The following NAALADL2 variants were observed in gnomAD, a reference collection of about 807,000 sequenced individuals.
NAALADL2 encodes inactive N-acetylated-alpha-linked acidic dipeptidase-like protein 2.
Under a neutral mutation model 87.2 loss-of-function variants are expected in NAALADL2, and 76 were observed. That is an observed-to-expected ratio of 0.87 (90% CI 0.72 to 1.05). The LOEUF is 1.05. Among genes scored for constraint, NAALADL2 ranks in the 50% least tolerant of loss-of-function variants. The pLI is 0.00. For synonymous variants in NAALADL2, 354 were observed against 331.0 expected (o/e 1.07, Z -0.75); for missense variants, 1,089 against 945.8 (o/e 1.15, Z -1.99).
chr3:174,734,488 C>A (rs369844044), intron 2 of NAALADL2, among the ~76,000 whole-genome samples: 2 of 152,114 alleles, frequency 1.3e-5, no homozygotes, highest in Admixed American at 1.3e-4. Flanking sequence ...TCTTGCAGAT[C>A]GTCTCCTTCT....
At chr3:174,489,067 T>C (rs1444259297) in intron 1 of NAALADL2, among the ~76,000 whole-genome samples, 2 of 152,058 alleles carry the variant, frequency 1.3e-5, no homozygotes, top group Non-Finnish European at 2.9e-5. Context: ...TGGATATTGG[T>C]CAGCCATTTC....
intron 1 of NAALADL2, among the ~76,000 whole-genome samples, chr3:174,971,584 T>A (rs1209123834): frequency 6.6e-6 from 1 of 152,158 alleles, no homozygotes; most frequent in Non-Finnish European, 1.5e-5. Flanking sequence ...GTCTTGCTTT[T>A]AAGAAACTGC....
chr3:175,783,692 A>G (rs2150225275), intron 13 of NAALADL2, among the ~76,000 whole-genome samples: 1 of 151,532 alleles, frequency 6.6e-6, no homozygotes, highest in Admixed American at 6.6e-5. Flanking sequence ...AATACCCTTT[A>G]TTTCCTTCTC....
intron 4 of NAALADL2, among the ~76,000 whole-genome samples, chr3:175,293,707 G>C (rs1464960674): frequency 1.3e-5 from 2 of 152,150 alleles, no homozygotes; most frequent in Admixed American, 6.5e-5. Flanking sequence ...GACACAGCTA[G>C]AAGATGACAT....
intron 10 of NAALADL2, among the ~76,000 whole-genome samples, chr3:175,592,307 C>CTTTTTTTTTTTT (rs758914649): frequency 1.9e-4 from 8 of 43,240 alleles, no homozygotes; most frequent in Non-Finnish European, 2.9e-4. Flanking sequence ...TTTTTCTTTT[C>CTTTTTTTTTTTT]TTTTTTTTTT....
At chr3:175,185,988 A>G (rs567124345) in intron 2 of NAALADL2, among the ~76,000 whole-genome samples, 1 of 152,060 alleles carries the variant, frequency 6.6e-6, no homozygotes, top group South Asian at 2.1e-4. Context: ...TTCAGTATCA[A>G]ATTTTGGAAA....
intron 5 of NAALADL2, among the ~76,000 whole-genome samples, chr3:175,437,071 C>T (rs1172419887): frequency 1.4e-5 from 2 of 143,672 alleles, no homozygotes; most frequent in African/African-American, 5.2e-5. Flanking sequence ...CTACATATGG[C>T]TAGCCAGTTT....
At chr3:175,796,130 G>GGA (rs145875116) in intron 13 of NAALADL2, among the ~76,000 whole-genome samples, 17 of 149,178 alleles carry the variant, frequency 1.1e-4, no homozygotes, top group Middle Eastern at 3.4e-3. Flanking sequence ...TGGGGGGTTG[G>GGA]GAGAGAGAGA....
intron 9 of NAALADL2, among the ~76,000 whole-genome samples, chr3:175,562,064 T>C (rs1291041226): frequency 6.6e-6 from 1 of 152,216 alleles, no homozygotes; most frequent in African/African-American, 2.4e-5. Context: ...CTGTATTTGA[T>C]CTGACTCTGT....
intron 8 of NAALADL2, 126 bp from the exon 9 acceptor site, chr3:175,471,512 AG>A: frequency 8.1e-6 from 5 of 614,876 alleles, no homozygotes; most frequent in Admixed American, 3.4e-5. Flanking sequence ...AAAAAAAAAA[AG>A]AAGGTAATTA....
intron 1 of NAALADL2, among the ~76,000 whole-genome samples, chr3:174,509,756 C>G (rs1161687916): frequency 6.6e-6 from 1 of 151,402 alleles, no homozygotes; most frequent in Non-Finnish European, 1.5e-5. Flanking sequence ...GGCTATCTTC[C>G]TATCAGATCA....
At chr3:174,973,194 C>A (rs78816819) in intron 1 of NAALADL2, among the ~76,000 whole-genome samples, 1 of 152,088 alleles carries the variant, frequency 6.6e-6, no homozygotes, top group Non-Finnish European at 1.5e-5. Flanking sequence ...TTATGGCATA[C>A]GTTTTTAAAG....
chr3:174,843,487 G>A (rs1724251652), intron 3 of NAALADL2, among the ~76,000 whole-genome samples: 1 of 152,090 alleles, frequency 6.6e-6, no homozygotes, highest in Non-Finnish European at 1.5e-5. Flanking sequence ...TGTGAATAGA[G>A]CTGCAATAAA....
rs1553916905 is a variant in NAALADL2 at position 175,013,301 on chromosome 3, A to ATATT, written c.44-83488_44-83487insATTT. 1.3e-3 allele frequency among the ~76,000 whole-genome samples: 95 copies of ATATT among 72,058 alleles called. 4 individuals are homozygous for ATATT. Among genetic ancestry groups the ATATT allele is most frequent in the South Asian group, 8.7e-3 (16 of 1,846 alleles). The allele number at this position is 72,058 out of a possible 152,430, so 47.3% of individuals were successfully genotyped here. A position where few individuals can be genotyped will look rare whatever the true frequency, so the allele number is the denominator to read the frequency against. The stretch of plus-strand genomic sequence containing the variant: ...TACATATATATATATATATATATAT[A>ATATT]TTTTTTTTTTTTTTTGAGACAGGGT... On this transcript the variant is annotated intron_variant, in intron 1 of 13. Transcript: ENST00000454872.
intron 4 of NAALADL2, among the ~76,000 whole-genome samples, chr3:175,260,234 A>C (rs4894703): frequency 0.26 from 38,932 of 152,060 alleles, 5,515 homozygotes; most frequent in Non-Finnish European, 0.33. Context: ...TTTCCCTGAT[A>C]ATTTTCCTTC....
chr3:175,758,941 C>T (rs2150142619), intron 13 of NAALADL2, among the ~76,000 whole-genome samples: 1 of 152,032 alleles, frequency 6.6e-6, no homozygotes, highest in African/African-American at 2.4e-5. Flanking sequence ...CAGAACTTTA[C>T]TGTGTAAAGC....
chr3:175,317,028 T>C (rs1385306587), intron 4 of NAALADL2, among the ~76,000 whole-genome samples: 4 of 152,128 alleles, frequency 2.6e-5, no homozygotes, highest in Non-Finnish European at 4.4e-5. Flanking sequence ...GGGAGCTAAA[T>C]CACATATTGG....
intron 2 of NAALADL2, among the ~76,000 whole-genome samples, chr3:175,144,526 A>T (rs1354587028): frequency 2.0e-5 from 3 of 152,100 alleles, no homozygotes; most frequent in African/African-American, 7.2e-5. Context: ...ATACAGAAAG[A>T]GTGAAACTTT....
chr3:174,448,801 A>G (rs994416247), intron 1 of NAALADL2, among the ~76,000 whole-genome samples: 2 of 152,168 alleles, frequency 1.3e-5, no homozygotes, highest in African/African-American at 2.4e-5. Flanking sequence ...CGTTCAGGCA[A>G]TCATGATGAG....
Sources: allele counts gnomAD v4.1 joint callset (sites outside exome capture counted in the v4.1 genomes callset), GRCh38; gene constraint gnomAD v4.1.1; transcripts MANE v1.5; gene names NCBI Gene and HGNC (gene_info 2026-07-23, HGNC 2026-07-21).